Variants in ZFPM2 observed in about 807,000 individuals in gnomAD.
ZFPM2 encodes zinc finger protein ZFPM2.
A neutral mutation model predicts 98.6 loss-of-function variants in ZFPM2; 20 were observed. The observed-to-expected ratio is 0.20, with a 90% CI of 0.14 to 0.29. ZFPM2 has a LOEUF of 0.29. Among genes scored for constraint, ZFPM2 ranks in the 10% least tolerant of loss-of-function variants. ZFPM2 has a pLI of 1.00. For missense variants in ZFPM2, 1,310 were observed against 1,388.6 expected (o/e 0.94, Z 0.90); for synonymous variants, 518 against 502.7 (o/e 1.03, Z -0.41).
chr8:105,693,348 G>A (rs1343897943), intron 5 of ZFPM2, among the ~76,000 whole-genome samples: 3 of 152,064 alleles, frequency 2.0e-5, no homozygotes, highest in Non-Finnish European at 4.4e-5. Flanking sequence ...GCAGCTTGTC[G>A]GCAACTCGCG....
At chr8:105,712,687 G>A (rs1157546511) in intron 5 of ZFPM2, among the ~76,000 whole-genome samples, 1 of 152,004 alleles carries the variant, frequency 6.6e-6, no homozygotes, top group African/African-American at 2.4e-5. Flanking sequence ...GTACCCAATA[G>A]GAAGTTTTAT....
intron 1 of ZFPM2, among the ~76,000 whole-genome samples, chr8:105,345,425 C>CTTTTTTTTTTTTTTTTTTTTTT (rs10560485): frequency 1.0e-5 from 1 of 98,362 alleles, no homozygotes; most frequent in Non-Finnish European, 2.0e-5. Flanking sequence ...TCGTGATGTT[C>CTTTTTTTTTTTTTTTTTTTTTT]TTTTTTTTTT....
chr8:105,531,871 C>T (rs565067242), intron 3 of ZFPM2, among the ~76,000 whole-genome samples: 2 of 152,140 alleles, frequency 1.3e-5, no homozygotes, highest in East Asian at 3.9e-4. Flanking sequence ...ATTTAAAAAT[C>T]CGAATCAATT....
chr8:105,430,102 C>T (rs1008153498), intron 2 of ZFPM2, among the ~76,000 whole-genome samples: 12 of 152,106 alleles, frequency 7.9e-5, no homozygotes, highest in African/African-American at 2.2e-4. Flanking sequence ...TGGGGCAGTA[C>T]GGTTTATCTG....
intron 4 of ZFPM2, among the ~76,000 whole-genome samples, chr8:105,630,843 G>C (rs1219101369): frequency 6.6e-6 from 1 of 152,104 alleles, no homozygotes; most frequent in African/African-American, 2.4e-5. Flanking sequence ...TGTTTTAGTA[G>C]TAGTAGTGGT....
chr8:105,512,830 G>A (rs1314397610), intron 3 of ZFPM2, among the ~76,000 whole-genome samples: 2 of 152,054 alleles, frequency 1.3e-5, no homozygotes, highest in Non-Finnish European at 2.9e-5. Flanking sequence ...GATAGTACTT[G>A]GAGATTTTTA....
chr8:105,363,870 T>A (rs1810453955), intron 1 of ZFPM2, among the ~76,000 whole-genome samples: 1 of 152,088 alleles, frequency 6.6e-6, no homozygotes, highest in Non-Finnish European at 1.5e-5. Context: ...AATGAATTTT[T>A]CCCTCCTTGA....
intron 1 of ZFPM2, among the ~76,000 whole-genome samples, chr8:105,378,429 T>C (rs1210535445): frequency 6.6e-6 from 1 of 152,228 alleles, no homozygotes; most frequent in Non-Finnish European, 1.5e-5. Flanking sequence ...CTATCTGTAA[T>C]GATAACTGCT....
chr8:105,645,209 A>ATTGACTTT (rs879590983), intron 5 of ZFPM2, among the ~76,000 whole-genome samples: 1 of 152,194 alleles, frequency 6.6e-6, no homozygotes, highest in Non-Finnish European at 1.5e-5. Context: ...TAGTCTTACA[A>ATTGACTTT]TATTCTTCTT....
chr8:105,433,926 T>A (rs1359972418), intron 2 of ZFPM2, among the ~76,000 whole-genome samples: 1 of 152,216 alleles, frequency 6.6e-6, no homozygotes. Flanking sequence ...AGTCTTTTGA[T>A]CTGCTTAATC....
chr8:105,601,158 A>G (rs1023848485), intron 4 of ZFPM2, among the ~76,000 whole-genome samples: 1 of 152,080 alleles, frequency 6.6e-6, no homozygotes, highest in African/African-American at 2.4e-5. Flanking sequence ...CACCACCTGA[A>G]GCCCTGCACC....
chr8:105,482,363 G>A (rs1263218140), intron 3 of ZFPM2, among the ~76,000 whole-genome samples: 1 of 151,850 alleles, frequency 6.6e-6, no homozygotes, highest in Non-Finnish European at 1.5e-5. Context: ...CATGAATGTA[G>A]CATACAGGCA....
intron 5 of ZFPM2, among the ~76,000 whole-genome samples, chr8:105,705,563 T>C (rs1811237431): frequency 1.3e-5 from 2 of 152,114 alleles, no homozygotes; most frequent in African/African-American, 4.8e-5. Context: ...ATATGACATA[T>C]GGCAAATGAA....
intron 2 of ZFPM2, 146 bp downstream of exon 2, chr8:105,419,448 A>G (rs553539121): frequency 4.9e-5 from 46 of 934,292 alleles, no homozygotes; most frequent in Non-Finnish European, 7.1e-5. Flanking sequence ...ATAAAATTTT[A>G]TTTCGAGGGA....
Position 105,722,669 on chromosome 8 carries a change from G to T in ZFPM2, c.533-66049G>T, listed in dbSNP as rs548036102. ...TAGTGGAAGTGGGTCATCATAAAGG[G>T]CTTCATCCTTGCTGTCCTCACATTG... On this transcript the variant is annotated intron_variant, in intron 5 of 7. Coordinates refer to ENST00000407775, the MANE Select transcript of ZFPM2 (RefSeq NM_012082.4). Among the ~76,000 whole-genome samples, 51 of 151,938 alleles carry T rather than the reference G, an allele frequency of 3.4e-4. No homozygotes were observed. In the South Asian group the frequency reaches 1.0e-2, roughly 30 times the overall value.
intron 3 of ZFPM2, among the ~76,000 whole-genome samples, chr8:105,535,715 T>A (rs1474984407): frequency 6.6e-6 from 1 of 152,170 alleles, no homozygotes; most frequent in East Asian, 1.9e-4. Context: ...CCCAGCTTGC[T>A]TCAGATGCTC....
intron 5 of ZFPM2, chr8:105,679,150 A>C (rs1458817150): frequency 6.6e-6 from 1 of 152,212 alleles, no homozygotes; most frequent in Non-Finnish European, 1.5e-5. Flanking sequence ...CTGCAAATGC[A>C]TTATGCACAA....
intron 5 of ZFPM2, among the ~76,000 whole-genome samples, chr8:105,703,461 C>T (rs994081700): frequency 1.1e-4 from 17 of 151,900 alleles, no homozygotes; most frequent in East Asian, 9.7e-4. Context: ...AGACGGAGAA[C>T]GAAGGGAAGG....
intron 3 of ZFPM2, among the ~76,000 whole-genome samples, chr8:105,491,315 T>A (rs1415828451): frequency 6.6e-6 from 1 of 152,086 alleles, no homozygotes; most frequent in Non-Finnish European, 1.5e-5. Flanking sequence ...ATAATAATAA[T>A]AAATGTTAAT....
Sources: gnomAD v4.1 joint callset for allele counts (sites outside exome capture counted in the v4.1 genomes callset) on GRCh38, gnomAD v4.1.1 for gene constraint, MANE v1.5 for transcripts, NCBI Gene and HGNC (gene_info 2026-07-23, HGNC 2026-07-21) for gene names.